PDE10A: variants seen among roughly 807,000 people sequenced by gnomAD.
The protein encoded by PDE10A is cAMP and cAMP-inhibited cGMP 3',5'-cyclic phosphodiesterase 10A.
A neutral mutation model predicts 97.7 loss-of-function variants in PDE10A; 39 were observed. That is an observed-to-expected ratio of 0.40 (90% confidence interval 0.31 to 0.52). PDE10A has a LOEUF of 0.52. Among genes scored for constraint, PDE10A ranks in the 20% least tolerant of loss-of-function variants. PDE10A has a pLI of 0.56. For missense variants in PDE10A, 731 were observed against 1,047.8 expected (o/e 0.70, Z 4.17); for synonymous variants, 371 against 376.8 (o/e 0.98, Z 0.18).
chr6:165,458,392 T>C (rs1778087560), intron 3 of PDE10A, among the ~76,000 whole-genome samples: 1 of 152,102 alleles, frequency 6.6e-6, no homozygotes, highest in South Asian at 2.1e-4. Flanking sequence ...GACAGGACAC[T>C]TCCACCCTGT....
At chr6:165,946,607 A>C (rs756702494) in intron 1 of PDE10A, among the ~76,000 whole-genome samples, 1 of 152,194 alleles carries the variant, frequency 6.6e-6, no homozygotes, top group Non-Finnish European at 1.5e-5. Flanking sequence ...AACTCTGTGC[A>C]GTTATGTATA....
intron 1 of PDE10A, among the ~76,000 whole-genome samples, chr6:165,708,126 G>T (rs1239384855): frequency 1.3e-5 from 2 of 152,152 alleles, no homozygotes; most frequent in Non-Finnish European, 2.9e-5. Context: ...CTCCACTCCT[G>T]CCCTCGCATT....
chr6:165,737,724 T>G (rs1405149307), intron 1 of PDE10A, among the ~76,000 whole-genome samples: 1 of 152,174 alleles, frequency 6.6e-6, no homozygotes, highest in Non-Finnish European at 1.5e-5. Flanking sequence ...CAGAAAGATT[T>G]TCCTCTAAGA....
At chr6:165,653,097 C>T (rs1789763685) in intron 1 of PDE10A, among the ~76,000 whole-genome samples, 1 of 152,118 alleles carries the variant, frequency 6.6e-6, no homozygotes, top group Admixed American at 6.5e-5. Context: ...TCAAGTCATG[C>T]CAGTGAAATT....
chr6:165,329,950 A>T lies in PDE10A; in HGVS notation c.*3075T>A, dbSNP rs1229527072. ...CCCTATTAATAGGGCTATTTTTTAG[A>T]ATTAGTTTCCACATCCATTGTATTT... is the stretch of plus-strand genomic sequence containing the variant. On this transcript the variant is annotated 3_prime_UTR_variant, in exon 22 of 22. Coordinates refer to ENST00000539869, the MANE Select transcript of PDE10A (RefSeq NM_001385079.1). The T allele has an allele frequency of 6.6e-6, 1 of 152,168 alleles. No homozygotes were observed. Among genetic ancestry groups the T allele is most frequent in the East Asian group, 1.9e-4 (1 of 5,194 alleles). The allele number at this position is 152,168 out of a possible 1,614,324, so 9.4% of individuals were successfully genotyped here.
chr6:165,900,539 C>T (rs1366873952), intron 1 of PDE10A, among the ~76,000 whole-genome samples: 1 of 152,142 alleles, frequency 6.6e-6, no homozygotes, highest in African/African-American at 2.4e-5. Flanking sequence ...ATCTCTCTCT[C>T]TCTCTCTTTT....
chr6:165,553,237 G>C lies in PDE10A; in HGVS notation c.866-9669C>G, dbSNP rs1784100920. 5.3e-5 allele frequency among the ~76,000 whole-genome samples: 8 copies of C among 152,068 alleles called. No individual in the cohort carries two copies. In the South Asian group the frequency reaches 1.7e-3, roughly 32 times the overall value. ...AATTTCTTTTTTTGGGGAGGAGGGG[G>C]GTGTCTTTTTTTTAAAGGCAAAGTC... On this transcript the variant is annotated intron_variant, in intron 1 of 21. Coordinates refer to ENST00000539869, the MANE Select transcript of PDE10A (RefSeq NM_001385079.1).
At chr6:165,783,456 C>G (rs991379142) in intron 1 of PDE10A, among the ~76,000 whole-genome samples, 7 of 152,144 alleles carry the variant, frequency 4.6e-5, no homozygotes, top group African/African-American at 1.7e-4. Flanking sequence ...AATTAAGAAA[C>G]AGAAATGAGT....
intron 17 of PDE10A, among the ~76,000 whole-genome samples, chr6:165,381,966 A>T (rs1784964416): frequency 6.6e-6 from 1 of 152,100 alleles, no homozygotes; most frequent in Non-Finnish European, 1.5e-5. Flanking sequence ...ACACCAATTG[A>T]TAATTTTACT....
chr6:165,794,772 C>T (rs1442088925), intron 1 of PDE10A, among the ~76,000 whole-genome samples: 3 of 152,196 alleles, frequency 2.0e-5, no homozygotes, highest in Non-Finnish European at 4.4e-5. Context: ...CTGACACAAT[C>T]ATACTTTAAA....
At chr6:165,766,875 G>A (rs1188707152) in intron 1 of PDE10A, among the ~76,000 whole-genome samples, 1 of 152,198 alleles carries the variant, frequency 6.6e-6, no homozygotes, top group Non-Finnish European at 1.5e-5. Flanking sequence ...AATCCTAGGT[G>A]GCACAGAGCT....
At chr6:165,957,782 T>C (rs1352928476) in intron 1 of PDE10A, among the ~76,000 whole-genome samples, 4 of 152,194 alleles carry the variant, frequency 2.6e-5, no homozygotes, top group Non-Finnish European at 5.9e-5. Flanking sequence ...GGCAGAAATG[T>C]TCAGACATGA....
chr6:165,770,979 C>A (rs960679263), intron 1 of PDE10A, among the ~76,000 whole-genome samples: 2 of 152,192 alleles, frequency 1.3e-5, no homozygotes, highest in African/African-American at 4.8e-5. Flanking sequence ...TCCCAGCCAC[C>A]ATTCCCCGGT....
At chr6:165,610,340 G>A (rs778278968) in intron 1 of PDE10A, among the ~76,000 whole-genome samples, 59 of 152,094 alleles carry the variant, frequency 3.9e-4, no homozygotes, top group Non-Finnish European at 5.0e-4. Flanking sequence ...TCAGGAGATC[G>A]AGACCATGGT....
Position 165,330,958 on chromosome 6 carries a change from A to G in PDE10A, c.*2067T>C, listed in dbSNP as rs1372095583. 3.3e-5 allele frequency: 5 copies of G among 152,184 alleles called. No homozygotes were observed. Among genetic ancestry groups the G allele is most frequent in the Non-Finnish European group, 5.9e-5 (4 of 68,018 alleles). 9.4% of individuals were successfully genotyped at this position (152,184 alleles called of 1,614,324 possible). A position where few individuals can be genotyped will look rare whatever the true frequency, so the allele number is the denominator to read the frequency against. On this transcript the variant is annotated 3_prime_UTR_variant, in exon 22 of 22. Transcript: ENST00000539869. Reference sequence around the variant, plus strand: ...TCAAATTCAATTATATGATACACTAACACAAAAATGACACTTTCTTGTCAA... The same window carrying G: ...TCAAATTCAATTATATGATACACTAGCACAAAAATGACACTTTCTTGTCAA...
chr6:165,401,870 G>A (rs2128221074), intron 13 of PDE10A, among the ~76,000 whole-genome samples: 1 of 152,266 alleles, frequency 6.6e-6, no homozygotes, highest in East Asian at 1.9e-4. Context: ...TTTTCACATT[G>A]TCCTCATATA....
chr6:165,960,703 A>G (rs998464821), intron 1 of PDE10A, among the ~76,000 whole-genome samples: 2 of 152,200 alleles, frequency 1.3e-5, no homozygotes, highest in Admixed American at 6.5e-5. Flanking sequence ...GAAAATGCAG[A>G]TATGAGGGCG....
Position 165,677,672 on chromosome 6 carries a change from C to T in PDE10A, c.-614-134104G>A, listed in dbSNP as rs575497123. 7.2e-5 allele frequency among the ~76,000 whole-genome samples: 11 copies of T among 152,296 alleles called. No individual in the cohort carries two copies. The South Asian group carries it at 2.1e-3, about 29-fold the overall frequency. Reference sequence around the variant, plus strand: ...CATCATTTTATATCAGGGACTTGAACGTCGGTGGACTCTGGTATCCATGAG... The same window carrying T: ...CATCATTTTATATCAGGGACTTGAATGTCGGTGGACTCTGGTATCCATGAG... On this transcript the variant is annotated intron_variant, in intron 1 of 19. Transcript: ENST00000366882.
At chr6:165,691,092 T>TCC in intron 1 of PDE10A, among the ~76,000 whole-genome samples, 1 of 38,974 alleles carries the variant, frequency 2.6e-5, no homozygotes, top group African/African-American at 1.2e-4. Context: ...TCTCTCTCTC[T>TCC]CTCTCTTTCT....
Sources: allele counts gnomAD v4.1 joint callset (sites outside exome capture counted in the v4.1 genomes callset), GRCh38; gene constraint gnomAD v4.1.1; transcripts MANE v1.5; gene names NCBI Gene and HGNC (gene_info 2026-07-23, HGNC 2026-07-21).